Variants in AFP observed in about 807,000 individuals in gnomAD.
AFP encodes alpha-fetoprotein.
In AFP, 64 loss-of-function variants were observed where a neutral mutation model predicts 78.9. That is an observed-to-expected ratio of 0.81 (90% CI 0.66 to 1.00). The LOEUF is 1.00. AFP is among the 50% of genes least tolerant of loss of function. AFP has a pLI of 0.00. For missense variants in AFP, 689 were observed against 703.8 expected, an observed-to-expected ratio of 0.98 and a Z score of 0.24; for synonymous variants, 254 against 243.8, an observed-to-expected ratio of 1.04 and a Z score of -0.39.
intron 3 of AFP, 25 bp from the exon 4 acceptor site, chr4:73,440,577 T>C (rs1190554377): frequency 1.3e-6 from 2 of 1,588,696 alleles, no homozygotes; most frequent in Non-Finnish European, 1.7e-6. Context: ...GTTGTCTTTC[T>C]CCAAACATAA....
chr4:73,450,417 T>A lies in AFP; in HGVS notation c.1290-198T>A, dbSNP rs370969420. 7.6e-4 allele frequency: 548 copies of A among 720,930 alleles called. 7 individuals carry two copies. The South Asian group carries it at 9.4e-3, about 12-fold the overall frequency. The allele number at this position is 720,930 out of a possible 1,614,324, so 44.7% of individuals were successfully genotyped here. A position where few individuals can be genotyped will look rare whatever the true frequency, so the allele number is the denominator to read the frequency against. ...TGGAGTTTGCTTTTTCATTGTGATA[T>A]GCTTCTATAATAGGAGTACAGGGAG... is the stretch of plus-strand genomic sequence containing the variant. On this transcript the variant is annotated intron_variant, in intron 10 of 14. Coordinates refer to ENST00000395792, the MANE Select transcript of AFP (RefSeq NM_001134.3).
At chr4:73,439,873 T>C (rs1719610687) in intron 3 of AFP, among the ~76,000 whole-genome samples, 1 of 152,198 alleles carries the variant, frequency 6.6e-6, no homozygotes, top group South Asian at 2.1e-4. Context: ...TTTTATTGTC[T>C]TGTAAGGATG....
In AFP at chr4:73,442,530, G is replaced by A. The variant is rs1276824172; in HGVS notation, c.615+102G>A. 1.8e-5 allele frequency: 25 copies of A among 1,397,120 alleles called. 1 individual carries two copies. In the East Asian group the frequency reaches 3.7e-4, roughly 20 times the overall value. 86.5% of individuals were successfully genotyped at this position (1,397,120 alleles called of 1,614,324 possible). A position where few individuals can be genotyped will look rare whatever the true frequency, so the allele number is the denominator to read the frequency against. On this transcript the variant is annotated intron_variant, in intron 5 of 14. Transcript: ENST00000395792. ...AACGTGCTTAATTGTGGAGAGTATCGTTTTTGGAATAGAGAAATAGTTCAG... is the reference window on the plus strand; with the variant it reads ...AACGTGCTTAATTGTGGAGAGTATCATTTTTGGAATAGAGAAATAGTTCAG...
rs562115559 is a variant in AFP at position 73,449,959 on chromosome 4, A to G, written c.1192-77A>G. Reference sequence around the variant, plus strand: ...TCTGATTGGTTTTATAATAGTATATAATATTGATCAATTTTATATACAAAG... The same window carrying G: ...TCTGATTGGTTTTATAATAGTATATGATATTGATCAATTTTATATACAAAG... On this transcript the variant is annotated intron_variant, in intron 9 of 14. Transcript: ENST00000395792. 1.4e-4 allele frequency: 122 copies of G among 896,424 alleles called. No individual in the cohort carries two copies. In the East Asian group the frequency reaches 3.2e-3, roughly 23 times the overall value. 55.5% of individuals were successfully genotyped at this position (896,424 alleles called of 1,614,324 possible). A position where few individuals can be genotyped will look rare whatever the true frequency, so the allele number is the denominator to read the frequency against.
chr4:73,444,891 T>C, intron 6 of AFP, 102 bp from the exon 7 acceptor site: 1 of 1,034,648 alleles, frequency 9.7e-7, no homozygotes, highest in South Asian at 1.6e-5. Context: ...GGAATTTCAG[T>C]CATTTCTCTT....
In AFP at chr4:73,447,628, G is replaced by C. The variant is rs1226562222; in HGVS notation, c.1010G>C (p.Arg337Thr). 46 of 1,611,818 alleles carry C rather than the reference G, an allele frequency of 2.9e-5. No homozygotes were observed. The highest frequency in any genetic ancestry group is 3.9e-5 in the Non-Finnish European group (46 of 1,179,632). The change falls in exon 8 of 15, where the codon AGA (arginine) becomes ACA (threonine). Residue 337 changes from arginine to threonine, a missense_variant. Coordinates refer to ENST00000395792, the MANE Select transcript of AFP (RefSeq NM_001134.3). ...SPNLNRFLGD[R>T]DFNQFSSGEK... is the part of the protein sequence containing the mutation. ...AATCTAAACAGGTTTTTAGGAGATA[G>C]AGATTTTAACCAATTTTCTTCAGGG...
chr4:73,448,650 T>G (rs557854154), intron 8 of AFP, among the ~76,000 whole-genome samples: 2 of 152,228 alleles, frequency 1.3e-5, no homozygotes, highest in South Asian at 4.1e-4. Flanking sequence ...TACCTTTAAG[T>G]TTACACATCC....
chr4:73,453,962 G>A, intron 13 of AFP, 65 bp downstream of exon 13: 3 of 1,580,546 alleles, frequency 1.9e-6, no homozygotes, highest in South Asian at 2.2e-5. Flanking sequence ...GATAATGAAA[G>A]GAAGACCCTA....
chr4:73,440,682 T>A lies in AFP; in HGVS notation c.351T>A (p.Ser117Arg), dbSNP rs1185077799. Residue 117 changes from serine to arginine, a missense_variant, in exon 4 of 15, where the codon AGT becomes AGA. Transcript: ENST00000395792. ...KYGHSDCCSQ[S>R]EEGRHNCFLA... The stretch of plus-strand genomic sequence containing the variant: ...GACATTCAGACTGCTGCAGCCAAAG[T>A]GAAGAGGGAAGACATAACTGTTTTC... 1.3e-5 allele frequency: 21 copies of A among 1,614,100 alleles called. No individual in the cohort carries two copies. The highest frequency in any genetic ancestry group is 1.7e-5 in the Non-Finnish European group (20 of 1,180,010).
intron 7 of AFP, among the ~76,000 whole-genome samples, chr4:73,446,219 A>G (rs4694167): frequency 0.98 from 149,380 of 152,308 alleles, 73,326 homozygotes; most frequent in East Asian, 1. Context: ...TTTTCTTCTA[A>G]AAATATGGCA....
intron 3 of AFP, among the ~76,000 whole-genome samples, chr4:73,439,098 C>T (rs1007599102): frequency 5.9e-5 from 9 of 152,022 alleles, no homozygotes; most frequent in African/African-American, 1.9e-4. Flanking sequence ...AACATAATAC[C>T]CAGTTCAATC....
At position 73,438,158 on chromosome 4, in the gene AFP, C is replaced by A. The variant is rs7655393; in HGVS notation, c.138-16C>A. On this transcript the variant is annotated splice_polypyrimidine_tract_variant and intron_variant, in intron 2 of 14. Transcript: ENST00000395792. The stretch of plus-strand genomic sequence containing the variant: ...CAGGTCTGTTCCTTAAGGATTCACA[C>A]GTATTTTTGTTTCAGGGCTACCATA... 1.9e-6 allele frequency: 3 copies of A among 1,612,854 alleles called. No individual in the cohort carries two copies. Among genetic ancestry groups the A allele is most frequent in the East Asian group, 4.5e-5 (2 of 44,784 alleles).
intron 12 of AFP, 100 bp downstream of exon 12, chr4:73,452,724 G>C: frequency 1.1e-6 from 1 of 949,104 alleles, no homozygotes. Flanking sequence ...CTCACTAACA[G>C]AGCGTTACTC....
intron 4 of AFP, 91 bp downstream of exon 4, chr4:73,440,904 C>T: frequency 8.5e-7 from 1 of 1,173,552 alleles, no homozygotes; most frequent in Admixed American, 2.3e-5. Flanking sequence ...TCATGTACTC[C>T]CAGTAAGAGG....
intron 3 of AFP, among the ~76,000 whole-genome samples, chr4:73,439,423 C>T (rs1260679733): frequency 6.6e-6 from 1 of 152,004 alleles, no homozygotes; most frequent in Non-Finnish European, 1.5e-5. Context: ...TTGTCTTGTT[C>T]TGATAATCTT....
rs142136082 is a variant in AFP at position 73,442,399 on chromosome 4, G to A, written c.586G>A (p.Glu196Lys). The A allele has an allele frequency of 8.1e-6, 13 of 1,613,974 alleles. No individual in the cohort carries two copies. In the African/African-American group the frequency reaches 1.6e-4, roughly 20 times the overall value. ...DKIIPSCCKA[E>K]NAVECFQTKA... ...AATAATTCCATCTTGCTGCAAAGCT[G>A]AAAATGCAGTTGAATGCTTCCAAAC... The change falls in exon 5 of 15, where the codon GAA becomes AAA. Residue 196 changes from glutamate to lysine, a missense_variant. Coordinates refer to ENST00000395792, the MANE Select transcript of AFP (RefSeq NM_001134.3).
intron 7 of AFP, 104 bp from the exon 8 acceptor site, chr4:73,447,358 C>G: frequency 2.9e-6 from 2 of 694,506 alleles, no homozygotes; most frequent in Non-Finnish European, 2.2e-6. Context: ...TTTCTTTGTT[C>G]CCTTCTCCCT....
intron 5 of AFP, 58 bp downstream of exon 5, chr4:73,442,486 A>G: frequency 6.3e-7 from 1 of 1,592,630 alleles, no homozygotes; most frequent in Non-Finnish European, 8.6e-7. Flanking sequence ...CATTAAAACA[A>G]AACAAAGTTA....
intron 13 of AFP, among the ~76,000 whole-genome samples, chr4:73,454,951 A>T (rs1720114161): frequency 6.6e-6 from 1 of 152,204 alleles, no homozygotes; most frequent in African/African-American, 2.4e-5. Flanking sequence ...CTTTATCTGC[A>T]AACCTTTTAA....
Sources: gnomAD v4.1 joint callset for allele counts (sites outside exome capture counted in the v4.1 genomes callset) on GRCh38, gnomAD v4.1.1 for gene constraint, MANE v1.5 for transcripts, NCBI Gene and HGNC (gene_info 2026-07-23, HGNC 2026-07-21) for gene names.